TTLL7: variants seen among roughly 807,000 people sequenced by gnomAD.
TTLL7 encodes the protein tubulin polyglutamylase TTLL7.
TTLL7 carries 53 observed loss-of-function variants against 120.2 expected under a neutral mutation model. The observed-to-expected ratio is 0.44, with a 90% CI of 0.35 to 0.55. TTLL7 has a LOEUF of 0.55. Ranked by LOEUF, TTLL7 falls within the 20% of genes least tolerant of loss-of-function variation. The pLI is 0.00. For synonymous variants in TTLL7, 353 were observed against 351.7 expected (o/e 1.00, Z -0.04); for missense variants, 803 against 1,054.7 (o/e 0.76, Z 3.31).
intron 18 of TTLL7, 71 bp downstream of exon 18, chr1:83,904,008 G>C: frequency 8.8e-7 from 1 of 1,137,436 alleles, no homozygotes; most frequent in African/African-American, 1.5e-5. Context: ...GTCTGTCTAT[G>C]AATTTGGCTT....
intron 1 of TTLL7, among the ~76,000 whole-genome samples, chr1:83,990,203 C>T (rs1318152488): frequency 1.5e-5 from 2 of 133,582 alleles, no homozygotes; most frequent in African/African-American, 5.6e-5. Context: ...GAGTCTCGCT[C>T]TGTCGCCCAG....
intron 18 of TTLL7, among the ~76,000 whole-genome samples, chr1:83,894,385 C>T (rs1656038986): frequency 6.6e-6 from 1 of 152,048 alleles, no homozygotes; most frequent in South Asian, 2.1e-4. Context: ...GATTATTCAA[C>T]TTTAAAATGA....
intron 18 of TTLL7, among the ~76,000 whole-genome samples, chr1:83,892,912 A>AAAAAAGAAAGAAAG (rs1354244739): frequency 0.04 from 3,904 of 97,794 alleles, 144 homozygotes; most frequent in Middle Eastern, 0.09. Context: ...AAGGAAAAAG[A>AAAAAAGAAAGAAAG]AAAAAGAAAG....
rs1570980090 is a variant in TTLL7, at chr1:83,865,569, A to C, written c.*4393T>G. ...AGCACCAAAAAATGGCAGCAATCTC[A>C]AAGTGTGCAGTAAATTTTAATATAC... On this transcript the variant is annotated 3_prime_UTR_variant, in exon 21 of 21. Coordinates refer to ENST00000260505, the MANE Select transcript of TTLL7 (RefSeq NM_024686.6). 1 of 151,982 alleles carries C rather than the reference A, an allele frequency of 6.6e-6. No individual in the cohort carries two copies. Among genetic ancestry groups the C allele is most frequent in the Admixed American group, 6.6e-5 (1 of 15,262 alleles). The allele number at this position is 151,982 out of a possible 1,614,324, so 9.4% of individuals were successfully genotyped here. A position where few individuals can be genotyped will look rare whatever the true frequency, so the allele number is the denominator to read the frequency against.
chr1:83,907,402 T>C, intron 16 of TTLL7, 54 bp downstream of exon 16: 1 of 1,515,882 alleles, frequency 6.6e-7, no homozygotes, highest in Non-Finnish European at 9.1e-7. Flanking sequence ...CTGATCCCCT[T>C]TGCCTGAGTA....
intron 1 of TTLL7, among the ~76,000 whole-genome samples, chr1:83,956,300 A>T (rs1204349528): frequency 6.6e-6 from 1 of 150,402 alleles, no homozygotes; most frequent in Non-Finnish European, 1.5e-5. Flanking sequence ...TTATTTATTT[A>T]TTATTTTAGA....
At chr1:83,955,007 CAATA>C (rs1649386158) in intron 1 of TTLL7, among the ~76,000 whole-genome samples, 1 of 152,016 alleles carries the variant, frequency 6.6e-6, no homozygotes, top group East Asian at 1.9e-4. Flanking sequence ...TGTCAAGCAC[CAATA>C]GATACACGAA....
At chr1:83,880,987 G>GGGAAA (rs1173458680) in intron 20 of TTLL7, among the ~76,000 whole-genome samples, 8 of 152,056 alleles carry the variant, frequency 5.3e-5, no homozygotes, top group Non-Finnish European at 8.8e-5. Flanking sequence ...ATAAGCAATG[G>GGGAAA]GGAAAGGATT....
chr1:83,896,342 T>C (rs1259053056), intron 18 of TTLL7, among the ~76,000 whole-genome samples: 1 of 152,106 alleles, frequency 6.6e-6, no homozygotes, highest in Non-Finnish European at 1.5e-5. Flanking sequence ...AAAAGATTTG[T>C]CTTTTCCATG....
chr1:83,884,762 T>C (rs554130720), intron 19 of TTLL7, among the ~76,000 whole-genome samples: 2 of 148,464 alleles, frequency 1.3e-5, no homozygotes, highest in Admixed American at 6.7e-5. Context: ...TTGGGAGATA[T>C]ACCTAATGCT....
At position 83,869,443 on chromosome 1, in the gene TTLL7, C is replaced by A. The variant is rs1030328553; in HGVS notation, c.*519G>T. 8 of 152,398 alleles carry A rather than the reference C, an allele frequency of 5.2e-5. No homozygotes were observed. The highest frequency in any genetic ancestry group is 1.9e-4 in the African/African-American group (8 of 41,436). The allele number at this position is 152,398 out of a possible 1,614,324, so 9.4% of individuals were successfully genotyped here. On this transcript the variant is annotated 3_prime_UTR_variant, in exon 21 of 21. Transcript: ENST00000260505. ...ATAGTAATGATAAACCCGTTTTAAA[C>A]TTCTTAATCTTATCATCAAGCAACA...
Position 83,952,269 on chromosome 1 carries a change from C to G in TTLL7, c.-58G>C. On this transcript the variant is annotated 5_prime_UTR_variant, in exon 2 of 21. Transcript: ENST00000260505. Reference sequence around the variant, plus strand: ...CTGCTGTACCAAGCTCTCAGGAAATCTGGAAATTCCACATTAGTCTAAGTA... The same window carrying G: ...CTGCTGTACCAAGCTCTCAGGAAATGTGGAAATTCCACATTAGTCTAAGTA... 2 of 1,600,590 alleles carry G rather than the reference C, an allele frequency of 1.2e-6. No individual in the cohort carries two copies. Among genetic ancestry groups the G allele is most frequent in the East Asian group, 2.2e-5 (1 of 44,730 alleles).
At chr1:83,949,820 T>C in intron 4 of TTLL7, 45 bp downstream of exon 4, 3 of 1,604,898 alleles carry the variant, frequency 1.9e-6, no homozygotes, top group African/African-American at 1.3e-5. Flanking sequence ...GTGGAATCCA[T>C]ATAACTTTCC....
At chr1:83,901,797 A>T (rs1439483231) in intron 18 of TTLL7, among the ~76,000 whole-genome samples, 1 of 151,998 alleles carries the variant, frequency 6.6e-6, no homozygotes, top group Admixed American at 6.6e-5. Flanking sequence ...TTTAAGAGTC[A>T]TCATGTAATC....
At chr1:83,979,476 A>G (rs1030819720) in intron 1 of TTLL7, 1 of 152,224 alleles carries the variant, frequency 6.6e-6, no homozygotes, top group Admixed American at 6.5e-5. Context: ...TAAGTCACAA[A>G]TCTTTTAATA....
At chr1:83,895,148 CTTATT>C (rs1463404882) in intron 18 of TTLL7, among the ~76,000 whole-genome samples, 1 of 152,006 alleles carries the variant, frequency 6.6e-6, no homozygotes, top group African/African-American at 2.4e-5. Flanking sequence ...TAGCAAGCAC[CTTATT>C]TTATTTTAAT....
intron 10 of TTLL7, among the ~76,000 whole-genome samples, chr1:83,928,293 T>C (rs771486443): frequency 3.3e-5 from 5 of 152,212 alleles, no homozygotes; most frequent in Non-Finnish European, 5.9e-5. Flanking sequence ...GCTAGAACTC[T>C]TGAATGACAA....
rs1332322074 is a variant in TTLL7, at chr1:83,869,101, A to T, written c.*861T>A. 1.3e-5 allele frequency: 2 copies of T among 151,550 alleles called. No homozygotes were observed. Among genetic ancestry groups the T allele is most frequent in the Non-Finnish European group, 2.9e-5 (2 of 67,956 alleles). 9.4% of individuals were successfully genotyped at this position (151,550 alleles called of 1,614,324 possible). A position where few individuals can be genotyped will look rare whatever the true frequency, so the allele number is the denominator to read the frequency against. Reference sequence around the variant, plus strand: ...AGTGATTCTCCTGTCTCAGCCGCCCAAGTAGCTGGGATTACAAGCACTTAC... The same window carrying T: ...AGTGATTCTCCTGTCTCAGCCGCCCTAGTAGCTGGGATTACAAGCACTTAC... On this transcript the variant is annotated 3_prime_UTR_variant, in exon 21 of 21. Transcript: ENST00000260505.
chr1:83,960,280 A>G (rs1649897836), intron 1 of TTLL7, among the ~76,000 whole-genome samples: 2 of 152,158 alleles, frequency 1.3e-5, no homozygotes, highest in South Asian at 4.1e-4. Context: ...ATCCAGATTT[A>G]TTTTTGATAG....
Sources: gnomAD v4.1 joint callset for allele counts (sites outside exome capture counted in the v4.1 genomes callset) on GRCh38, gnomAD v4.1.1 for gene constraint, MANE v1.5 for transcripts, NCBI Gene and HGNC (gene_info 2026-07-23, HGNC 2026-07-21) for gene names.